The following PRKCQ variants were observed in gnomAD, a reference collection of about 807,000 sequenced individuals.
The protein encoded by PRKCQ is protein kinase C theta type.
In PRKCQ, 41 loss-of-function variants were observed where a neutral mutation model predicts 91.2. The observed-to-expected ratio is 0.45, with a 90% CI of 0.35 to 0.58. The LOEUF (loss-of-function observed/expected upper bound fraction) is 0.58, where lower values mean the gene tolerates loss of function less well. Ranked by LOEUF, PRKCQ falls within the 20% of genes least tolerant of loss-of-function variation. PRKCQ has a pLI of 0.00. For missense variants in PRKCQ, 673 were observed against 896.5 expected, an observed-to-expected ratio of 0.75 and a Z score of 3.18; for synonymous variants, 307 against 316.9, an observed-to-expected ratio of 0.97 and a Z score of 0.33.
At chr10:6,474,540 C>T (rs547953493) in intron 12 of PRKCQ, among the ~76,000 whole-genome samples, 2 of 152,276 alleles carry the variant, frequency 1.3e-5, no homozygotes, top group African/African-American at 4.8e-5. Flanking sequence ...CCTTTCCAAA[C>T]AAATTTTAGA....
At chr10:6,486,664 C>T (rs909602514) in intron 8 of PRKCQ, among the ~76,000 whole-genome samples, 4 of 152,200 alleles carry the variant, frequency 2.6e-5, no homozygotes, top group South Asian at 2.1e-4. Context: ...TACCAACAGC[C>T]GACCCTTGAA....
chr10:6,554,979 C>G (rs982336977), intron 1 of PRKCQ, among the ~76,000 whole-genome samples: 1 of 152,146 alleles, frequency 6.6e-6, no homozygotes, highest in African/African-American at 2.4e-5. Context: ...TCCTTTGCAG[C>G]AACATGATTG....
chr10:6,551,389 T>C lies in PRKCQ; in HGVS notation c.-10+28822A>G, dbSNP rs199942559. On this transcript the variant is annotated intron_variant, in intron 1 of 17. Transcript: ENST00000263125. ...ATGGTGCATATGTACCACATTTTCT[T>C]TTTTTTTTCTTTTTTTTTTTTTGAG... Among the ~76,000 whole-genome samples the C allele has an allele frequency of 1.4e-4, 21 of 150,440 alleles. 1 individual carries two copies. In the East Asian group the frequency reaches 4.1e-3, roughly 29 times the overall value.
intron 8 of PRKCQ, among the ~76,000 whole-genome samples, chr10:6,488,816 G>GACC (rs1837087541): frequency 6.6e-6 from 1 of 152,208 alleles, no homozygotes; most frequent in African/African-American, 2.4e-5. Context: ...GTCTTGCTCT[G>GACC]TTGCCCAGGC....
At chr10:6,537,002 G>A (rs897121775) in intron 1 of PRKCQ, among the ~76,000 whole-genome samples, 62 of 152,332 alleles carry the variant, frequency 4.1e-4, no homozygotes, top group African/African-American at 1.4e-3. Context: ...GCTCAGAGTA[G>A]CATGAGCTCT....
chr10:6,479,415 A>G (rs1836454088), intron 11 of PRKCQ, among the ~76,000 whole-genome samples: 1 of 152,142 alleles, frequency 6.6e-6, no homozygotes, highest in African/African-American at 2.4e-5. Context: ...AATTGAATGG[A>G]TTTTTAAAAG....
intron 1 of PRKCQ, among the ~76,000 whole-genome samples, chr10:6,544,034 C>T (rs1199321322): frequency 1.3e-5 from 2 of 152,174 alleles, no homozygotes; most frequent in Non-Finnish European, 2.9e-5. Context: ...GGCCATTTTC[C>T]CCTCAGCGAG....
At position 6,479,192 on chromosome 10, in the gene PRKCQ, T is replaced by A. The variant is rs749656691; in HGVS notation, c.1180-27A>T. The A allele has an allele frequency of 7.5e-6, 12 of 1,607,704 alleles. No individual in the cohort carries two copies. The Middle Eastern group carries it at 9.9e-4, about 133-fold the overall frequency. On this transcript the variant is annotated intron_variant, in intron 11 of 17. Transcript: ENST00000263125. ...TAGAAGGAGAGGGAAGAAGTAACTT[T>A]ATTTTAGAATTTGGATTCCCATTTC...
intron 12 of PRKCQ, among the ~76,000 whole-genome samples, chr10:6,466,601 A>G (rs658230): frequency 0.44 from 67,313 of 152,132 alleles, 15,439 homozygotes; most frequent in Middle Eastern, 0.64. Flanking sequence ...CAAACTACAC[A>G]GTCCAGAGGT....
At chr10:6,398,915 A>G in the PRKCQ span, among the ~76,000 whole-genome samples, 1 of 152,088 alleles carries the variant, frequency 6.6e-6, no homozygotes, top group East Asian at 1.9e-4. Context: ...CACCACACCC[A>G]ACTAATTAAA....
intron 13 of PRKCQ, 31 bp from the exon 14 acceptor site, chr10:6,462,396 A>T: frequency 6.2e-7 from 1 of 1,604,444 alleles, no homozygotes; most frequent in Non-Finnish European, 8.5e-7. Flanking sequence ...GTTCAACATG[A>T]ATGTTGTCAT....
rs145804928 is a variant in PRKCQ at position 6,456,973 on chromosome 10, A to G, written c.1509-161T>C. ...TTGCACACCAAGTGGGGTGTAGACA[A>G]AGCAGATTCTGCAAGGGCACGCTGG... On this transcript the variant is annotated intron_variant, in intron 14 of 17. Coordinates refer to ENST00000263125, the MANE Select transcript of PRKCQ (RefSeq NM_006257.5). Among the ~76,000 whole-genome samples, 761 of 152,240 alleles carry G rather than the reference A, an allele frequency of 5.0e-3. 10 individuals carry two copies. Among genetic ancestry groups the G allele is most frequent in the African/African-American group, 0.017 (717 of 41,532 alleles).
At position 6,432,960 on chromosome 10, in the gene PRKCQ, T is replaced by C. The variant is rs1210901155; in HGVS notation, c.1837-2022A>G. ...CTTTCAGGGCTCAGCTTTCACCCCCTTTTCCTTGTGAAACTTTCTTTGATT... is the reference window on the plus strand; with the variant it reads ...CTTTCAGGGCTCAGCTTTCACCCCCCTTTCCTTGTGAAACTTTCTTTGATT... On this transcript the variant is annotated intron_variant, in intron 16 of 17. Transcript: ENST00000263125. 3.3e-5 allele frequency among the ~76,000 whole-genome samples: 5 copies of C among 152,298 alleles called. No individual in the cohort carries two copies. In the East Asian group the frequency reaches 7.7e-4, roughly 24 times the overall value.
intron 12 of PRKCQ, among the ~76,000 whole-genome samples, chr10:6,477,552 A>G (rs1836334980): frequency 6.6e-6 from 1 of 152,156 alleles, no homozygotes; most frequent in African/African-American, 2.4e-5. Context: ...TTCACTCTCC[A>G]GTCGTCATGG....
At position 6,491,877 on chromosome 10, in the gene PRKCQ, G is replaced by T. The variant is rs1031197168; in HGVS notation, c.661-65C>A. 6.7e-5 allele frequency: 107 copies of T among 1,593,412 alleles called. 1 individual carries two copies. In the African/African-American group the frequency reaches 1.2e-3, roughly 19 times the overall value. On this transcript the variant is annotated intron_variant, in intron 7 of 17. Coordinates refer to ENST00000263125, the MANE Select transcript of PRKCQ (RefSeq NM_006257.5). ...GGCCCCGACTTTGGATGTTCTTGCAGATACCTTAGCATAACTAACAGAGAT... is the reference window on the plus strand; with the variant it reads ...GGCCCCGACTTTGGATGTTCTTGCATATACCTTAGCATAACTAACAGAGAT...
intron 1 of PRKCQ, among the ~76,000 whole-genome samples, chr10:6,558,705 G>A (rs1181824410): frequency 1.3e-5 from 2 of 152,174 alleles, no homozygotes; most frequent in South Asian, 2.1e-4. Flanking sequence ...GTGAGGAGGT[G>A]GTCACCGTGA....
At chr10:6,541,131 T>C (rs549481353) in intron 1 of PRKCQ, among the ~76,000 whole-genome samples, 1 of 152,362 alleles carries the variant, frequency 6.6e-6, no homozygotes, top group East Asian at 1.9e-4. Context: ...TTGCAGACGT[T>C]ACATTCTACT....
Position 6,486,136 on chromosome 10 carries a change from T to C in PRKCQ, c.799A>G (p.Met267Val), listed in dbSNP as rs1157797350. 2 of 1,613,982 alleles carry C rather than the reference T, an allele frequency of 1.2e-6. No individual in the cohort carries two copies. Among genetic ancestry groups the C allele is most frequent in the South Asian group, 1.1e-5 (1 of 91,076 alleles). ...RQGLKCDACG[M>V]NVHHRCQTKV... ...GTCTGGCATCTATGATGCACATTCA[T>C]GCCACATGCTGGAAGGAAGAAGGCA... The change falls in exon 9 of 18, where the codon ATG becomes GTG. Residue 267 changes from methionine to valine, a missense_variant. Met to Val is a conservative substitution (Grantham distance 21, BLOSUM62 1). Transcript: ENST00000263125.
At chr10:6,499,310 G>A (rs1179717531) in intron 4 of PRKCQ, among the ~76,000 whole-genome samples, 2 of 152,168 alleles carry the variant, frequency 1.3e-5, no homozygotes, top group South Asian at 2.1e-4. Flanking sequence ...AAATATTGGT[G>A]AAAGTGCTTT....
Sources: gnomAD v4.1 joint callset for allele counts (sites outside exome capture counted in the v4.1 genomes callset) on GRCh38, gnomAD v4.1.1 for gene constraint, MANE v1.5 for transcripts, NCBI Gene and HGNC (gene_info 2026-07-23, HGNC 2026-07-21) for gene names.